The following MGST1 variants were observed in gnomAD, a reference collection of about 807,000 sequenced individuals.
MGST1 encodes the protein microsomal glutathione S-transferase 1.
A neutral mutation model predicts 8.9 loss-of-function variants in MGST1; 5 were observed. That is an observed-to-expected ratio of 0.56 (90% CI 0.29 to 1.19). The LOEUF is 1.19. MGST1 is among the 50% of genes most tolerant of loss of function. The probability of loss-of-function intolerance (pLI) is 0.08; values close to 1 mark genes in which losing one functional copy is unlikely to be tolerated. For synonymous variants in MGST1, 54 were observed against 67.8 expected (o/e 0.80, Z 1.00); for missense variants, 182 against 187.4 (o/e 0.97, Z 0.17).
At chr12:16,418,345 G>A (rs1027167770) in intron 1 of MGST1, among the ~76,000 whole-genome samples, 1 of 152,134 alleles carries the variant, frequency 6.6e-6, no homozygotes, top group African/African-American at 2.4e-5. Flanking sequence ...GCCACCTCCA[G>A]GGATTAGAGA....
chr12:16,416,468 A>G (rs1468350909), intron 1 of MGST1, among the ~76,000 whole-genome samples: 1 of 152,162 alleles, frequency 6.6e-6, no homozygotes, highest in African/African-American at 2.4e-5. Context: ...TATTTCTCAC[A>G]GCTCTGGAGG....
chr12:16,544,004 C>T lies in MGST1; in HGVS notation n.483-45524C>T, dbSNP rs537173603. On this transcript the variant is annotated intron_variant and non_coding_transcript_variant, in intron 4 of 4. Coordinates refer to the MGST1 transcript ENST00000538857. The surrounding 1 kb of genome is among the most constrained non-coding windows in gnomAD (Gnocchi z 4.8). ...CCAACTAGTGTAAAACACTCATACT[C>T]TTCCTAAGTGTAAGCAGGTGATTTC... Among the ~76,000 whole-genome samples the T allele has an allele frequency of 1.3e-5, 2 of 152,182 alleles. No individual in the cohort carries two copies. Among genetic ancestry groups the T allele is most frequent in the East Asian group, 3.9e-4 (2 of 5,184 alleles).
chr12:16,383,036 C>G (rs1277392217), exon 1 of MGST1: 1 of 152,508 alleles, frequency 6.6e-6, no homozygotes, highest in Non-Finnish European at 1.5e-5. Flanking sequence ...TTTCCAGGTG[C>G]CGTCTCTCAC....
chr12:16,491,677 C>A (rs536294224), intron 4 of MGST1, among the ~76,000 whole-genome samples: 2 of 152,146 alleles, frequency 1.3e-5, no homozygotes, highest in Admixed American at 1.3e-4. Context: ...CAACATACAA[C>A]ATGTCATCAA....
chr12:16,535,396 T>A (rs534207780), intron 4 of MGST1, among the ~76,000 whole-genome samples: 2 of 152,142 alleles, frequency 1.3e-5, no homozygotes, highest in African/African-American at 4.8e-5. Flanking sequence ...TATTTAGAAA[T>A]TTGGGGGACC....
downstream of MGST1, among the ~76,000 whole-genome samples, chr12:16,378,840 T>C (rs1290201485): frequency 6.6e-6 from 1 of 152,042 alleles, no homozygotes; most frequent in Non-Finnish European, 1.5e-5. Flanking sequence ...TGGTTTGTAG[T>C]TCTCCTTGAA....
chr12:16,430,972 A>C (rs951870286), intron 1 of MGST1, among the ~76,000 whole-genome samples: 1 of 152,218 alleles, frequency 6.6e-6, no homozygotes, highest in Non-Finnish European at 1.5e-5. Context: ...AACTTTATTA[A>C]TGATCTTAGC....
chr12:16,590,309 A>T (rs910252488), downstream of MGST1, among the ~76,000 whole-genome samples: 1 of 152,088 alleles, frequency 6.6e-6, no homozygotes, highest in African/African-American at 2.4e-5. Context: ...ACAAACTCTC[A>T]TGTAACATTT....
intron 4 of MGST1, among the ~76,000 whole-genome samples, chr12:16,583,199 T>A (rs756793348): frequency 2.0e-5 from 3 of 152,088 alleles, no homozygotes; most frequent in Non-Finnish European, 4.4e-5. Context: ...AGCAATTGGA[T>A]GTCAGTAACA....
Position 16,564,445 on chromosome 12 carries a change from C to T in MGST1, n.483-25083C>T, listed in dbSNP as rs533636145. On this transcript the variant is annotated intron_variant and non_coding_transcript_variant, in intron 4 of 4. Transcript: ENST00000538857. The stretch of plus-strand genomic sequence containing the variant: ...TGGTTTAGTGTATATCCATTTCTAA[C>T]GTTCCTGCGGACTGGGGGTAGGGAA... Among the ~76,000 whole-genome samples, 11 of 152,232 alleles carry T rather than the reference C, an allele frequency of 7.2e-5. 1 individual carries two copies. In the South Asian group the frequency reaches 1.0e-3, roughly 14 times the overall value.
At chr12:16,462,534 A>G (rs185965701) in intron 4 of MGST1, among the ~76,000 whole-genome samples, 1 of 116,422 alleles carries the variant, frequency 8.6e-6, no homozygotes, top group East Asian at 2.4e-4. Flanking sequence ...AAGGTTCATT[A>G]AAAGATGCAC....
chr12:16,478,722 T>A (rs950206748), intron 4 of MGST1, among the ~76,000 whole-genome samples: 1 of 152,118 alleles, frequency 6.6e-6, no homozygotes, highest in African/African-American at 2.4e-5. Context: ...CCACATGACA[T>A]TTATTTTGTC....
At chr12:16,535,515 A>G (rs1478404037) in intron 4 of MGST1, among the ~76,000 whole-genome samples, 1 of 152,226 alleles carries the variant, frequency 6.6e-6, no homozygotes, top group Non-Finnish European at 1.5e-5. Flanking sequence ...TGCGACAAAA[A>G]CAGAGATAGT....
Position 16,579,735 on chromosome 12 carries a change from G to C in MGST1, n.483-9793G>C, listed in dbSNP as rs547846973. Among the ~76,000 whole-genome samples, 41 of 152,244 alleles carry C rather than the reference G, an allele frequency of 2.7e-4. No individual in the cohort carries two copies. In the South Asian group the frequency reaches 7.3e-3, roughly 27 times the overall value. On this transcript the variant is annotated intron_variant and non_coding_transcript_variant, in intron 4 of 4. Coordinates refer to the MGST1 transcript ENST00000538857. ...AGAAAATTTTTATCTTGTTTTTCCAGTAGAAATAGCATTTCAGAATGACCA... is the reference window on the plus strand; with the variant it reads ...AGAAAATTTTTATCTTGTTTTTCCACTAGAAATAGCATTTCAGAATGACCA...
intron 4 of MGST1, among the ~76,000 whole-genome samples, chr12:16,569,965 C>A (rs1367036278): frequency 1.3e-5 from 2 of 152,076 alleles, no homozygotes; most frequent in East Asian, 1.9e-4. Flanking sequence ...GAAGGAAAGG[C>A]CAATCAGCCA....
chr12:16,471,667 G>C (rs1941290195), intron 4 of MGST1, among the ~76,000 whole-genome samples: 1 of 152,124 alleles, frequency 6.6e-6, no homozygotes, highest in African/African-American at 2.4e-5. Flanking sequence ...TCAGCTTGCA[G>C]GTCCAGAAGA....
chr12:16,348,992 C>T (rs969339846), intron 1 of MGST1: 4 of 152,088 alleles, frequency 2.6e-5, no homozygotes, highest in Non-Finnish European at 4.4e-5. Context: ...AGCATTTCAC[C>T]TGCAGCCTCT....
At chr12:16,446,491 GT>G (rs1941081043) in intron 4 of MGST1, among the ~76,000 whole-genome samples, 1 of 151,790 alleles carries the variant, frequency 6.6e-6, no homozygotes, top group Admixed American at 6.6e-5. Flanking sequence ...TAAGAGATAT[GT>G]TTTGGCTGTT....
intron 4 of MGST1, among the ~76,000 whole-genome samples, chr12:16,524,721 T>C (rs1205675155): frequency 6.6e-6 from 1 of 152,114 alleles, no homozygotes; most frequent in Non-Finnish European, 1.5e-5. Context: ...ATTTTCACTA[T>C]ATTTTGTACT....
Sources: gnomAD v4.1 joint callset for allele counts (sites outside exome capture counted in the v4.1 genomes callset) on GRCh38, gnomAD v4.1.1 for gene constraint, Gnocchi (gnomAD v3.1) non-coding constraint, MANE v1.5 for transcripts, NCBI Gene and HGNC (gene_info 2026-07-23, HGNC 2026-07-21) for gene names.